The following YBEY variants were observed in gnomAD, a reference collection of about 807,000 sequenced individuals.
YBEY encodes ybeY metalloendoribonuclease.
YBEY carries 15 observed loss-of-function variants against 13.5 expected under a neutral mutation model. The ratio of observed to expected loss-of-function variants is 1.11; its 90% CI spans 0.75 to 1.72. The LOEUF (loss-of-function observed/expected upper bound fraction) is 1.72. Among genes scored for constraint, YBEY ranks in the 40% most tolerant of loss-of-function variants. The pLI is 0.00. For synonymous variants in YBEY, 101 were observed against 83.1 expected (o/e 1.21, Z -1.17); for missense variants, 244 against 208.4 (o/e 1.17, Z -1.05).
chr21:46,299,750 G>GCCCCCCCCCCCCCCCCCCCCCCCCCCCC, downstream of YBEY, among the ~76,000 whole-genome samples: 1 of 147,204 alleles, frequency 6.8e-6, no homozygotes, highest in Non-Finnish European at 1.5e-5. Context: ...TGTGCCCTGA[G>GCCCCCCCCCCCCCCCCCCCCCCCCCCCC]CCCCCCCCAC....
At chr21:46,298,383 T>C, downstream of YBEY, among the ~76,000 whole-genome samples, 1 of 151,716 alleles carries the variant, frequency 6.6e-6, no homozygotes, top group Non-Finnish European at 1.5e-5. Flanking sequence ...CATAGCTTCA[T>C]GTCGAAAAAG....
chr21:46,311,486 G>C, the YBEY span: 1 of 1,609,426 alleles, frequency 6.2e-7, no homozygotes, highest in South Asian at 1.1e-5. Flanking sequence ...CGTTGAGTAG[G>C]GAAGGCCTGG....
chr21:46,298,083 C>G (rs942767577), downstream of YBEY, among the ~76,000 whole-genome samples: 2 of 152,266 alleles, frequency 1.3e-5, no homozygotes, highest in Non-Finnish European at 2.9e-5. Context: ...CGCGAGCGCG[C>G]TGGTTCCCCG....
Position 46,287,125 on chromosome 21 carries a change from T to TAAAAA in YBEY, c.210+8_210+12dup, listed in dbSNP as rs58271568. 0.14 allele frequency: 201,770 copies of TAAAAA among 1,427,076 alleles called. 2,261 individuals carry two copies. The highest frequency in any genetic ancestry group is 0.16 in the Non-Finnish European group (166,215 of 1,059,646). 88.4% of individuals were successfully genotyped at this position (1,427,076 alleles called of 1,614,324 possible). ...GTGCTTTCTTTTCCATTTCATGAGG[T>TAAAAA]AAAAAAAAAATGTTCCTCTTCTTGT... is the stretch of plus-strand genomic sequence containing the variant. On this transcript the variant is annotated splice_region_variant and intron_variant, in intron 2 of 4. Coordinates refer to ENST00000397701, the MANE Select transcript of YBEY (RefSeq NM_001314025.2).
chr21:46,302,669 G>A, downstream of YBEY: 1 of 963,722 alleles, frequency 1.0e-6, no homozygotes, highest in African/African-American at 1.6e-5. Flanking sequence ...GAACAGGTGT[G>A]TCTGTACACT....
At chr21:46,310,817 C>T in the YBEY span, among the ~76,000 whole-genome samples, 2 of 151,100 alleles carry the variant, frequency 1.3e-5, no homozygotes, top group South Asian at 4.1e-4. Context: ...CTCTCTCTCT[C>T]TCTAAATAAA....
At chr21:46,313,009 T>C in the YBEY span, 1 of 985,464 alleles carries the variant, frequency 1.0e-6, no homozygotes, top group Non-Finnish European at 1.2e-6. Context: ...TCTAGCTGTG[T>C]GAGGCTGCCT....
chr21:46,295,914 T>G (rs1050713379), intron 3 of YBEY, among the ~76,000 whole-genome samples: 2 of 132,148 alleles, frequency 1.5e-5, no homozygotes, highest in African/African-American at 5.8e-5. Context: ...TGGGGGCCCC[T>G]CCCCAGCACA....
At chr21:46,290,699 A>G (rs2081661844) in intron 2 of YBEY, among the ~76,000 whole-genome samples, 1 of 151,106 alleles carries the variant, frequency 6.6e-6, no homozygotes, top group Non-Finnish European at 1.5e-5. Context: ...ACCTGAGGTC[A>G]GGAGTTCGAG....
intron 3 of YBEY, among the ~76,000 whole-genome samples, chr21:46,295,377 C>T (rs527833604): frequency 6.6e-6 from 1 of 152,144 alleles, no homozygotes; most frequent in South Asian, 2.1e-4. Flanking sequence ...TCCCAGACCT[C>T]CCTCTTCCCT....
the YBEY span, among the ~76,000 whole-genome samples, chr21:46,303,204 T>C: frequency 6.6e-6 from 1 of 151,578 alleles, no homozygotes; most frequent in Non-Finnish European, 1.5e-5. Flanking sequence ...CCAGTTGTAG[T>C]GGTGCATGCC....
At chr21:46,292,774 C>T (rs1309119747) in intron 3 of YBEY, among the ~76,000 whole-genome samples, 15 of 133,918 alleles carry the variant, frequency 1.1e-4, no homozygotes, top group Non-Finnish European at 1.7e-4. Flanking sequence ...GTGGAGTCAG[C>T]CACACAAGTT....
At chr21:46,298,711 G>A (rs2082034027), downstream of YBEY, among the ~76,000 whole-genome samples, 1 of 151,640 alleles carries the variant, frequency 6.6e-6, no homozygotes, top group Non-Finnish European at 1.5e-5. Context: ...TTACAGGCGT[G>A]AGCCACCACG....
chr21:46,298,910 CAG>C (rs1291070245), downstream of YBEY, among the ~76,000 whole-genome samples: 7 of 151,910 alleles, frequency 4.6e-5, no homozygotes, highest in Non-Finnish European at 8.8e-5. Context: ...TCTGTAGAGA[CAG>C]GGTTTCGCTG....
chr21:46,302,432 A>G (rs2082147729), downstream of YBEY: 3 of 1,413,522 alleles, frequency 2.1e-6, no homozygotes, highest in East Asian at 2.4e-5. Context: ...CAGAAGAAAA[A>G]CCACCCAGGC....
intron 2 of YBEY, among the ~76,000 whole-genome samples, chr21:46,288,630 G>T (rs2081565808): frequency 6.6e-6 from 1 of 151,778 alleles, no homozygotes; most frequent in African/African-American, 2.4e-5. Context: ...AGTGAGCTGA[G>T]ATTGCACCAC....
the YBEY span, among the ~76,000 whole-genome samples, chr21:46,309,845 A>C: frequency 6.6e-6 from 1 of 151,794 alleles, no homozygotes; most frequent in Non-Finnish European, 1.5e-5. Context: ...AAATACAAAA[A>C]ATTAGCAGGG....
In YBEY at chr21:46,294,081, CGTGCCCGGG is replaced by C. The variant is rs1569101320; in HGVS notation, c.340-2080_340-2072del. On this transcript the variant is annotated intron_variant, in intron 3 of 4. Transcript: ENST00000397701. ...AATTCCTCCCGCGGTTAGCCTGACC[CGTGCCCGGG>C]ACTCAGTGGAGTCAGCCACACAAGT... Among the ~76,000 whole-genome samples, 27 of 23,894 alleles carry C rather than the reference CGTGCCCGGG, an allele frequency of 1.1e-3. 3 individuals carry two copies. Among genetic ancestry groups the C allele is most frequent in the East Asian group, 4.2e-3 (1 of 240 alleles). 15.7% of individuals were successfully genotyped at this position (23,894 alleles called of 152,430 possible).
downstream of YBEY, chr21:46,302,110 TG>T (rs762493301): frequency 2.9e-5 from 44 of 1,525,678 alleles, no homozygotes; most frequent in Non-Finnish European, 3.7e-5. Flanking sequence ...CAGGCAGCCT[TG>T]GCCTGGCAGC....
Sources: allele counts gnomAD v4.1 joint callset (sites outside exome capture counted in the v4.1 genomes callset), GRCh38; gene constraint gnomAD v4.1.1; transcripts MANE v1.5; gene names NCBI Gene and HGNC (gene_info 2026-07-23, HGNC 2026-07-21).